ASAP2: variants seen among roughly 807,000 people sequenced by gnomAD.
ASAP2 encodes the protein ArfGAP with SH3 domain, ankyrin repeat and PH domain 2, also known as arf-GAP with SH3 domain, ANK repeat and PH domain-containing protein 2.
Under a neutral mutation model 131.4 loss-of-function variants are expected in ASAP2, and 45 were observed. The ratio of observed to expected loss-of-function variants is 0.34; its 90% confidence interval spans 0.27 to 0.44. The LOEUF is 0.44. ASAP2 is among the 20% of genes least tolerant of loss of function. The probability of loss-of-function intolerance (pLI) is 1.00; values close to 1 mark genes in which losing one functional copy is unlikely to be tolerated. For missense variants in ASAP2, 1,011 were observed against 1,297.0 expected, an observed-to-expected ratio of 0.78 and a Z score of 3.39; for synonymous variants, 510 against 503.0, an observed-to-expected ratio of 1.01 and a Z score of -0.19.
Position 9,268,260 on chromosome 2 carries a change from G to A in ASAP2, c.127-11057G>A, listed in dbSNP as rs908923347. Among the ~76,000 whole-genome samples, 6 of 152,204 alleles carry A rather than the reference G, an allele frequency of 3.9e-5. No individual in the cohort carries two copies. The highest frequency in any genetic ancestry group is 1.4e-4 in the African/African-American group (6 of 41,460). On this transcript the variant is annotated intron_variant, in intron 1 of 27. Transcript: ENST00000281419. The surrounding 1 kb of genome is among the most constrained non-coding windows in gnomAD (Gnocchi z 4.1). ...TACCATCGACATTTCGGTTTATCCA[G>A]TTGGGGGCTGTTTTGAGGAGTGTTA...
intron 1 of ASAP2, among the ~76,000 whole-genome samples, chr2:9,231,912 A>G (rs1425699113): frequency 6.6e-6 from 1 of 152,086 alleles, no homozygotes; most frequent in East Asian, 1.9e-4. Flanking sequence ...GGAAGTGGCA[A>G]CCATAAGTCT....
chr2:9,285,448 A>G (rs1016625643), intron 2 of ASAP2, among the ~76,000 whole-genome samples: 14 of 152,318 alleles, frequency 9.2e-5, no homozygotes, highest in African/African-American at 3.4e-4. Context: ...TCAGTGCATT[A>G]TGTTTGCTCC....
At chr2:9,368,572 C>T (rs768389916) in intron 16 of ASAP2, 53 bp downstream of exon 16, 74 of 1,523,168 alleles carry the variant, frequency 4.9e-5, no homozygotes, top group Middle Eastern at 1.7e-4. Context: ...TGCCTTTGCC[C>T]GAGCCCCGGG....
At chr2:9,339,475 T>G (rs1289740662) in intron 9 of ASAP2, among the ~76,000 whole-genome samples, 1 of 152,144 alleles carries the variant, frequency 6.6e-6, no homozygotes, top group Admixed American at 6.5e-5. Context: ...TGTAGAGCAC[T>G]TACCATATTA....
chr2:9,340,257 G>A (rs537622626), intron 9 of ASAP2, among the ~76,000 whole-genome samples: 9 of 152,130 alleles, frequency 5.9e-5, no homozygotes, highest in South Asian at 2.1e-4. Flanking sequence ...TCCTGACCTC[G>A]TGATCTGCCC....
rs545652732 is a variant in ASAP2 at position 9,402,004 on chromosome 2, G to C, written c.2946+608G>C. Reference sequence around the variant, plus strand: ...GCGGCAGCTGCAGACAGTGAGGGCGGTGGATGAACCGGCTTGAATGGGGCG... The same window carrying C: ...GCGGCAGCTGCAGACAGTGAGGGCGCTGGATGAACCGGCTTGAATGGGGCG... On this transcript the variant is annotated intron_variant, in intron 27 of 27. Transcript: ENST00000281419. Among the ~76,000 whole-genome samples the C allele has an allele frequency of 1.4e-4, 22 of 152,346 alleles. No homozygotes were observed. The South Asian group carries it at 4.6e-3, about 32-fold the overall frequency.
rs1172885209 is a variant in ASAP2, at chr2:9,207,993, G to A, written c.126+763G>A. ...AGCAGTACGCTCTCCAGGTCCTGGG[G>A]AGAGGAACACGTAGGAACGAAGAAG... is the stretch of plus-strand genomic sequence containing the variant. On this transcript the variant is annotated intron_variant, in intron 1 of 27. Coordinates refer to ENST00000281419, the MANE Select transcript of ASAP2 (RefSeq NM_003887.3). This position sits in a 1 kb window ranked among gnomAD's most constrained non-coding sequence, Gnocchi z 4.1. 6.6e-6 allele frequency among the ~76,000 whole-genome samples: 1 copy of A among 152,214 alleles called. No individual in the cohort carries two copies. Among genetic ancestry groups the A allele is most frequent in the African/African-American group, 2.4e-5 (1 of 41,470 alleles).
chr2:9,379,487 TGCACCACTGCTTCCTCCATGAAGG>T (rs1674663439), intron 19 of ASAP2, among the ~76,000 whole-genome samples: 1 of 152,160 alleles, frequency 6.6e-6, no homozygotes, highest in Non-Finnish European at 1.5e-5. Flanking sequence ...TCCTTTCATT[TGCACCACTGCTTCCTCCATGAAGG>T]GCCCTGGTTG....
At position 9,207,307 on chromosome 2, in the gene ASAP2, C is replaced by A; in HGVS notation, c.126+77C>A. On this transcript the variant is annotated intron_variant, in intron 1 of 27. Transcript: ENST00000281419. The surrounding 1 kb of genome is among the most constrained non-coding windows in gnomAD (Gnocchi z 4.1). Reference sequence around the variant, plus strand: ...CCGCCCGCCGCTCCCGCATCCGCATCCCGAGAAAACTTTCTTTGCTCCGAA... The same window carrying A: ...CCGCCCGCCGCTCCCGCATCCGCATACCGAGAAAACTTTCTTTGCTCCGAA... 1 of 1,437,234 alleles carries A rather than the reference C, an allele frequency of 7.0e-7. No individual in the cohort carries two copies. Among genetic ancestry groups the A allele is most frequent in the Non-Finnish European group, 9.1e-7 (1 of 1,096,484 alleles). The allele number at this position is 1,437,234 out of a possible 1,614,324, so 89.0% of individuals were successfully genotyped here.
intron 17 of ASAP2, 23 bp downstream of exon 17, chr2:9,374,967 C>T: frequency 2.8e-6 from 4 of 1,423,784 alleles, no homozygotes; most frequent in Non-Finnish European, 3.7e-6. Context: ...GTTGTTGCTA[C>T]TTTAAAAAAA....
intron 1 of ASAP2, among the ~76,000 whole-genome samples, chr2:9,248,291 C>A (rs889241844): frequency 6.6e-6 from 1 of 152,146 alleles, no homozygotes; most frequent in Non-Finnish European, 1.5e-5. Flanking sequence ...TTATATTCAG[C>A]ATTTGTTAAT....
At chr2:9,276,869 T>A (rs1666793165) in intron 1 of ASAP2, among the ~76,000 whole-genome samples, 1 of 152,188 alleles carries the variant, frequency 6.6e-6, no homozygotes, top group South Asian at 2.1e-4. Flanking sequence ...AGGTGTTTTC[T>A]CCCTTTACAC....
intron 3 of ASAP2, among the ~76,000 whole-genome samples, chr2:9,308,922 T>C (rs1669119114): frequency 6.6e-6 from 1 of 152,184 alleles, no homozygotes; most frequent in Admixed American, 6.5e-5. Context: ...TTCTCAAAAA[T>C]ACTTTCTGCC....
chr2:9,310,912 T>C (rs191791952), intron 3 of ASAP2, among the ~76,000 whole-genome samples: 10 of 152,374 alleles, frequency 6.6e-5, no homozygotes, highest in African/African-American at 2.4e-4. Context: ...ATTAGCATAA[T>C]GATTTTGTTC....
At chr2:9,377,673 G>A (rs1558383548) in intron 18 of ASAP2, among the ~76,000 whole-genome samples, 1 of 152,168 alleles carries the variant, frequency 6.6e-6, no homozygotes, top group Non-Finnish European at 1.5e-5. Context: ...AGGAGGTGCT[G>A]TTAAAAGCCA....
At chr2:9,293,000 G>A (rs189286759) in intron 2 of ASAP2, among the ~76,000 whole-genome samples, 171 of 152,342 alleles carry the variant, frequency 1.1e-3, no homozygotes, top group Non-Finnish European at 2.0e-3. Context: ...TGTGTGGCCC[G>A]TAGAGGGGGC....
At chr2:9,360,182 A>ATTC (rs1424425137) in intron 15 of ASAP2, among the ~76,000 whole-genome samples, 4 of 152,206 alleles carry the variant, frequency 2.6e-5, no homozygotes, top group Non-Finnish European at 5.9e-5. Flanking sequence ...AAAACAATGG[A>ATTC]AAGTGTTAAG....
intron 1 of ASAP2, among the ~76,000 whole-genome samples, chr2:9,260,658 T>C (rs567741462): frequency 3.4e-4 from 51 of 152,170 alleles, no homozygotes; most frequent in Non-Finnish European, 6.0e-4. Flanking sequence ...CCTGCCTTTC[T>C]TCTCCCTTCC....
At chr2:9,370,153 C>T (rs1467052850) in intron 16 of ASAP2, among the ~76,000 whole-genome samples, 2 of 152,070 alleles carry the variant, frequency 1.3e-5, no homozygotes, top group East Asian at 3.9e-4. Context: ...TTTTTTTAAC[C>T]ATTTTGTGTG....
Sources: allele counts gnomAD v4.1 joint callset (sites outside exome capture counted in the v4.1 genomes callset), GRCh38; gene constraint gnomAD v4.1.1; non-coding constraint Gnocchi (gnomAD v3.1); transcripts MANE v1.5; gene names NCBI Gene and HGNC (gene_info 2026-07-23, HGNC 2026-07-21).